KIAA1217: variants seen among roughly 807,000 people sequenced by gnomAD.
KIAA1217 encodes the protein sickle tail protein homolog.
Under a neutral mutation model 163.9 loss-of-function variants are expected in KIAA1217, and 88 were observed. The observed-to-expected ratio is 0.54, with a 90% confidence interval of 0.45 to 0.64. The LOEUF is 0.64. KIAA1217 is among the 30% of genes least tolerant of loss of function. The pLI is 0.00. For synonymous variants in KIAA1217, 903 were observed against 923.1 expected (o/e 0.98, Z 0.39); for missense variants, 2,372 against 2,475.0 (o/e 0.96, Z 0.88).
intron 2 of KIAA1217, among the ~76,000 whole-genome samples, chr10:24,070,077 C>T (rs1024733584): frequency 5.9e-5 from 9 of 152,078 alleles, no homozygotes; most frequent in South Asian, 2.1e-4. Flanking sequence ...TGGCCTCTAG[C>T]GATCCTTCCA....
intron 3 of KIAA1217, among the ~76,000 whole-genome samples, chr10:24,417,145 G>T (rs1034464217): frequency 3.9e-5 from 6 of 151,990 alleles, no homozygotes; most frequent in African/African-American, 1.2e-4. Context: ...AGGCCAGCGT[G>T]ATATGAATTT....
chr10:24,485,814 G>T (rs991350413), intron 6 of KIAA1217, among the ~76,000 whole-genome samples: 3 of 152,190 alleles, frequency 2.0e-5, no homozygotes, highest in East Asian at 1.9e-4. Flanking sequence ...TTCCCAATTC[G>T]ATGGTTAAGG....
At chr10:24,173,066 G>A (rs1294777934) in intron 2 of KIAA1217, among the ~76,000 whole-genome samples, 1 of 152,222 alleles carries the variant, frequency 6.6e-6, no homozygotes, top group Non-Finnish European at 1.5e-5. Context: ...AGGCCAGCAA[G>A]TGAAGTTTCA....
Position 24,524,570 on chromosome 10 carries a change from GC to G in KIAA1217, c.2707del (p.Leu903CysfsTer2), listed in dbSNP as rs1564859467. On this transcript the variant is annotated frameshift_variant, in exon 13 of 21. Transcript: ENST00000376454. LOFTEE classifies it high-confidence loss of function. ...CATCCAGCCCTCCCAGCACTCCGTGGCCCTGCTGAACCCTGCTCAGAACTTG... is the reference window on the plus strand; with the variant it reads ...CATCCAGCCCTCCCAGCACTCCGTGGCCTGCTGAACCCTGCTCAGAACTTG... ...VVIQPSQHSV[A>X]LLNPAQNLPH... 3 of 1,613,854 alleles carry G rather than the reference GC, an allele frequency of 1.9e-6. No individual in the cohort carries two copies. In the Admixed American group the frequency reaches 5.0e-5, roughly 27 times the overall value.
chr10:24,525,309 G>C (rs1381764396), intron 13 of KIAA1217, among the ~76,000 whole-genome samples: 1 of 152,186 alleles, frequency 6.6e-6, no homozygotes, highest in African/African-American at 2.4e-5. Context: ...TAGATGATAA[G>C]TGGAACCTGG....
At chr10:24,313,175 A>G (rs1164772090) in intron 2 of KIAA1217, among the ~76,000 whole-genome samples, 2 of 152,146 alleles carry the variant, frequency 1.3e-5, no homozygotes, top group African/African-American at 4.8e-5. Flanking sequence ...CTGAATGCAA[A>G]TCAACAGTAG....
chr10:24,119,957 ATGGGTGAAACCCACTTCCG>A (rs2063215286), intron 2 of KIAA1217, among the ~76,000 whole-genome samples: 1 of 152,206 alleles, frequency 6.6e-6, no homozygotes. Flanking sequence ...GAGAAAGACA[ATGGGTGAAACCCACTTCCG>A]TGGAAGTAGG....
intron 2 of KIAA1217, among the ~76,000 whole-genome samples, chr10:24,190,658 C>G (rs2066675015): frequency 6.6e-6 from 1 of 152,074 alleles, no homozygotes; most frequent in Non-Finnish European, 1.5e-5. Context: ...AGAATTAGGA[C>G]GAGCCATGGA....
chr10:24,382,623 T>C (rs2053455132), intron 3 of KIAA1217, among the ~76,000 whole-genome samples: 1 of 151,980 alleles, frequency 6.6e-6, no homozygotes, highest in Admixed American at 6.6e-5. Flanking sequence ...GTGTGTTTGC[T>C]TGTTTGAGCT....
chr10:23,974,390 G>A (rs1043871638), intron 1 of KIAA1217, among the ~76,000 whole-genome samples: 4 of 152,048 alleles, frequency 2.6e-5, no homozygotes, highest in Admixed American at 1.3e-4. Flanking sequence ...TTATTTCAAC[G>A]GTGTGATATT....
chr10:24,224,980 C>A (rs1035294761), intron 2 of KIAA1217, among the ~76,000 whole-genome samples: 9 of 152,086 alleles, frequency 5.9e-5, no homozygotes, highest in Middle Eastern at 3.4e-3. Context: ...GCGCCCACCA[C>A]CACGCCTAGC....
chr10:24,028,316 A>T (rs1848048489), intron 2 of KIAA1217, among the ~76,000 whole-genome samples: 1 of 152,144 alleles, frequency 6.6e-6, no homozygotes, highest in Non-Finnish European at 1.5e-5. Flanking sequence ...TAATATATTC[A>T]TTCATTATAA....
At chr10:24,052,650 T>A (rs1022153249) in intron 2 of KIAA1217, among the ~76,000 whole-genome samples, 19 of 152,132 alleles carry the variant, frequency 1.2e-4, no homozygotes, top group Admixed American at 4.6e-4. Flanking sequence ...ATACTTCTAT[T>A]ATATTACATT....
chr10:24,253,670 T>G (rs187740175), intron 2 of KIAA1217, among the ~76,000 whole-genome samples: 12 of 151,644 alleles, frequency 7.9e-5, no homozygotes, highest in African/African-American at 2.9e-4. Flanking sequence ...AGGTAGAGAT[T>G]GAAGTGAGCC....
intron 1 of KIAA1217, among the ~76,000 whole-genome samples, chr10:23,787,911 G>A (rs1835566598): frequency 6.6e-6 from 1 of 151,970 alleles, no homozygotes; most frequent in Non-Finnish European, 1.5e-5. Flanking sequence ...AATTAATTAT[G>A]GGGCTGGGCA....
Position 24,198,701 on chromosome 10 carries a change from T to G in KIAA1217, c.-170-20925T>G. On this transcript the variant is annotated intron_variant, in intron 2 of 18. Coordinates refer to the KIAA1217 transcript ENST00000376462. ...CTCCTTGGTGACCTCATAAATCTCA[T>G]GAAAGAGGCTCACATATAAGCAAAG... 1.3e-5 allele frequency among the ~76,000 whole-genome samples: 2 copies of G among 152,046 alleles called. 1 individual carries two copies. Among genetic ancestry groups the G allele is most frequent in the Admixed American group, 1.3e-4 (2 of 15,260 alleles).
intron 2 of KIAA1217, among the ~76,000 whole-genome samples, chr10:24,164,937 C>T (rs1336257317): frequency 1.3e-5 from 2 of 152,180 alleles, no homozygotes; most frequent in Non-Finnish European, 2.9e-5. Flanking sequence ...CCTTCCCCTT[C>T]TTGAAGCCAA....
intron 2 of KIAA1217, among the ~76,000 whole-genome samples, chr10:24,264,259 A>G (rs2075992395): frequency 6.6e-6 from 1 of 152,186 alleles, no homozygotes; most frequent in African/African-American, 2.4e-5. Flanking sequence ...AAAGGCCAAA[A>G]CTGTGTTCAG....
chr10:24,545,448 G>A lies in KIAA1217; in HGVS notation c.5334+345G>A, dbSNP rs1284022242. ...AACCTGTGGTTGAACTGCCCTTAAC[G>A]TCACCACTACTAACGTCTATGTTGA... On this transcript the variant is annotated intron_variant, in intron 20 of 20. Coordinates refer to ENST00000376454, the MANE Select transcript of KIAA1217 (RefSeq NM_019590.5). 3.9e-6 allele frequency: 5 copies of A among 1,282,922 alleles called. No individual in the cohort carries two copies. The Middle Eastern group carries it at 9.1e-4, about 235-fold the overall frequency. 79.5% of individuals were successfully genotyped at this position (1,282,922 alleles called of 1,614,324 possible). A position where few individuals can be genotyped will look rare whatever the true frequency, so the allele number is the denominator to read the frequency against.
Sources: allele counts gnomAD v4.1 joint callset (sites outside exome capture counted in the v4.1 genomes callset), GRCh38; gene constraint gnomAD v4.1.1; transcripts MANE v1.5; gene names NCBI Gene and HGNC (gene_info 2026-07-23, HGNC 2026-07-21).